The following NAPA variants were observed in gnomAD, a reference collection of about 807,000 sequenced individuals.
The protein encoded by NAPA is alpha-soluble NSF attachment protein.
NAPA carries 18 observed loss-of-function variants against 48.0 expected under a neutral mutation model. The observed-to-expected ratio is 0.38, with a 90% CI of 0.26 to 0.56. NAPA has a LOEUF of 0.56. Ranked by LOEUF, NAPA falls within the 20% of genes least tolerant of loss-of-function variation. NAPA has a pLI of 0.77. For missense variants in NAPA, 315 were observed against 385.0 expected (o/e 0.82, Z 1.52); for synonymous variants, 152 against 149.9 (o/e 1.01, Z -0.10).
chr19:47,488,341 T>C lies in NAPA; in HGVS notation c.835A>G (p.Met279Val), dbSNP rs1320849015. The C allele has an allele frequency of 6.2e-7, 1 of 1,613,740 alleles. No individual in the cohort carries two copies. The highest frequency in any genetic ancestry group is 1.7e-5 in the Admixed American group (1 of 60,018). Reference sequence around the variant, plus strand: ...ATGGTCTTCTTGATGCGCAGCAGCATGGTGGTGAGCCACTGGTCCAGCCGG... The same window carrying C: ...ATGGTCTTCTTGATGCGCAGCAGCACGGTGGTGAGCCACTGGTCCAGCCGG... Reference protein sequence around the residue: ...ISRLDQWLTTMLLRIKKTIQG... With the variant: ...ISRLDQWLTTVLLRIKKTIQG... Residue 279 changes from methionine to valine, a missense_variant, in exon 11 of 11, where the codon ATG becomes GTG. This residue lies in a region of NAPA where 137 missense variants were observed against 150.1 expected (regional missense o/e 0.91). Transcript: ENST00000263354.
intron 1 of NAPA, among the ~76,000 whole-genome samples, chr19:47,509,421 G>A (rs1404264445): frequency 3.9e-5 from 6 of 152,088 alleles, no homozygotes; most frequent in African/African-American, 9.7e-5. Flanking sequence ...CCAGCTCATC[G>A]TGTGCCAGCC....
rs1968363763 is a variant in NAPA at position 47,494,485 on chromosome 19, C to A, written c.343-992G>T. On this transcript the variant is annotated intron_variant, in intron 4 of 10. Transcript: ENST00000263354. ...AGGCACGGTGGCTCATGCCTGCAAT[C>A]CCAGCACTTTGGGAGGCCAAGGCAG... is the stretch of plus-strand genomic sequence containing the variant. Among the ~76,000 whole-genome samples the A allele has an allele frequency of 2.0e-5, 3 of 152,062 alleles. No homozygotes were observed. In the South Asian group the frequency reaches 6.2e-4, roughly 32 times the overall value.
intron 1 of NAPA, among the ~76,000 whole-genome samples, chr19:47,508,083 G>A (rs1023525648): frequency 3.3e-5 from 5 of 152,090 alleles, no homozygotes; most frequent in African/African-American, 9.7e-5. Context: ...CTCATCTCAC[G>A]AGCAGAGGCT....
Position 47,488,355 on chromosome 19 carries a change from T to C in NAPA, c.821A>G (p.Gln274Arg). 3 of 1,613,608 alleles carry C rather than the reference T, an allele frequency of 1.9e-6. No individual in the cohort carries two copies. Among genetic ancestry groups the C allele is most frequent in the Non-Finnish European group, 2.5e-6 (3 of 1,179,696 alleles). Residue 274 changes from glutamine (Q) to arginine (R), a missense_variant, in exon 11 of 11, where the codon CAG becomes CGG. Around this residue, in one of 3 missense-constraint regions of NAPA, gnomAD observed 137 missense variants for 150.1 expected, o/e 0.91. Coordinates refer to ENST00000263354, the MANE Select transcript of NAPA (RefSeq NM_003827.4). The part of the protein sequence containing the change: ...KEYDSISRLD[Q>R]WLTTMLLRIK... ...GCGCAGCAGCATGGTGGTGAGCCAC[T>C]GGTCCAGCCGGGAGATGGAGTCGTA...
At position 47,488,202 on chromosome 19, in the gene NAPA, G is replaced by A; in HGVS notation, c.*86C>T. On this transcript the variant is annotated 3_prime_UTR_variant, in exon 11 of 11. Transcript: ENST00000263354. ...CCCGCGGCACTCCCCAGATGGGAAAGGAGGGAAGCTCTCCAGCAAGTCTCG... is the reference window on the plus strand; with the variant it reads ...CCCGCGGCACTCCCCAGATGGGAAAAGAGGGAAGCTCTCCAGCAAGTCTCG... The A allele has an allele frequency of 7.6e-7, 1 of 1,317,048 alleles. No homozygotes were observed. Among genetic ancestry groups the A allele is most frequent in the Non-Finnish European group, 1.1e-6 (1 of 939,416 alleles). The allele number at this position is 1,317,048 out of a possible 1,614,324, so 81.6% of individuals were successfully genotyped here.
At chr19:47,484,673 T>C (rs529679346), downstream of NAPA, 2 of 154,642 alleles carry the variant, frequency 1.3e-5, no homozygotes, top group South Asian at 3.6e-4. Flanking sequence ...CGGTCAGTAC[T>C]GGAAACCAAA....
At chr19:47,487,320 T>C (rs903382932), downstream of NAPA, among the ~76,000 whole-genome samples, 1 of 152,186 alleles carries the variant, frequency 6.6e-6, no homozygotes, top group African/African-American at 2.4e-5. Context: ...GACCGTCACA[T>C]TCGACCCTCC....
intron 7 of NAPA, chr19:47,492,646 G>A (rs1968303866): frequency 4.0e-6 from 2 of 494,122 alleles, no homozygotes; most frequent in South Asian, 3.7e-5. Context: ...TGGGCCTCTT[G>A]GCACTTCTTC....
chr19:47,486,544 G>A (rs935360936), downstream of NAPA, among the ~76,000 whole-genome samples: 5 of 152,056 alleles, frequency 3.3e-5, no homozygotes, highest in African/African-American at 9.7e-5. Context: ...CAAGTGATCC[G>A]CCTGCCTCGG....
At chr19:47,490,005 ATGTGTG>A (rs761953603) in intron 9 of NAPA, among the ~76,000 whole-genome samples, 6 of 151,442 alleles carry the variant, frequency 4.0e-5, no homozygotes, top group African/African-American at 1.5e-4. Context: ...ATCACACAGA[ATGTGTG>A]TGTGTGTGGG....
In NAPA at chr19:47,492,915, C is replaced by T. The variant is rs765885344; in HGVS notation, c.561+46G>A. On this transcript the variant is annotated intron_variant, in intron 7 of 10. Transcript: ENST00000263354. ...CCGGGGCTTAGGAGGAGGCACAGGC[C>T]CTGAGAGGGGGCAGGGTGGAAGCCG... The T allele has an allele frequency of 7.5e-6, 12 of 1,594,168 alleles. No individual in the cohort carries two copies. In the East Asian group the frequency reaches 1.3e-4, roughly 18 times the overall value.
At chr19:47,491,443 C>T (rs1048389101) in intron 8 of NAPA, 6 of 154,390 alleles carry the variant, frequency 3.9e-5, no homozygotes, top group Admixed American at 6.4e-5. Flanking sequence ...TCCTGGACTC[C>T]GTGCTTCTGC....
chr19:47,515,050 T>C lies in NAPA; in HGVS notation c.-110A>G, dbSNP rs79012144. 1.8e-4 allele frequency: 198 copies of C among 1,123,608 alleles called. No homozygotes were observed. The East Asian group carries it at 4.4e-3, about 25-fold the overall frequency. 69.6% of individuals were successfully genotyped at this position (1,123,608 alleles called of 1,614,324 possible). ...TAAAACTCGCCCGGCTGCGTTGACG[T>C]CGCACCGGCGCGCGTCGCTTGCGGC... On this transcript the variant is annotated 5_prime_UTR_variant, in exon 1 of 11. Transcript: ENST00000263354.
rs1280618312 is a variant in NAPA, at chr19:47,503,275, CAA to C, written c.178+146_178+147del. The C allele has an allele frequency of 1.5e-5, 11 of 711,362 alleles. No homozygotes were observed. In the East Asian group the frequency reaches 2.6e-4, roughly 17 times the overall value. 44.1% of individuals were successfully genotyped at this position (711,362 alleles called of 1,614,324 possible). On this transcript the variant is annotated intron_variant, in intron 2 of 10. Transcript: ENST00000263354. ...ATAAAGTAACCCAGCAGGCACAAAA[CAA>C]GAGAGCAGGCCAGTGGCTTTCCGAT...
intron 10 of NAPA, 50 bp from the exon 11 acceptor site, chr19:47,488,439 C>G: frequency 6.8e-7 from 1 of 1,480,864 alleles, no homozygotes; most frequent in South Asian, 1.1e-5. Flanking sequence ...CGTTCCCAAC[C>G]CTGCAGCCCA....
intron 2 of NAPA, 148 bp from the exon 3 acceptor site, chr19:47,500,897 G>C: frequency 1.8e-6 from 1 of 557,408 alleles, no homozygotes; most frequent in Non-Finnish European, 3.0e-6. Flanking sequence ...AGCGAGCCCA[G>C]ACCGAGGCCT....
At chr19:47,489,886 G>A (rs1253755742) in intron 9 of NAPA, 125 bp from the exon 10 acceptor site, 4 of 911,480 alleles carry the variant, frequency 4.4e-6, no homozygotes, top group Middle Eastern at 2.8e-4. Context: ...GACTCTCAGA[G>A]GGTCAATCCG....
At chr19:47,514,323 A>T (rs1031059724) in intron 1 of NAPA, among the ~76,000 whole-genome samples, 5 of 151,924 alleles carry the variant, frequency 3.3e-5, no homozygotes, top group Non-Finnish European at 5.9e-5. Flanking sequence ...GGGCCCACGC[A>T]AATCCACTGC....
chr19:47,496,767 C>T (rs1437652206), intron 3 of NAPA: 5 of 430,744 alleles, frequency 1.2e-5, no homozygotes, highest in Non-Finnish European at 9.4e-6. Flanking sequence ...TGGACAGAGG[C>T]TCTTTGTCTC....
Sources: gnomAD v4.1 joint callset for allele counts (sites outside exome capture counted in the v4.1 genomes callset) on GRCh38, gnomAD v4.1.1 for gene constraint, gnomAD v4.1.1 regional missense constraint, MANE v1.5 for transcripts, NCBI Gene and HGNC (gene_info 2026-07-23, HGNC 2026-07-21) for gene names.